SGCZ: variants seen among roughly 807,000 people sequenced by gnomAD.
SGCZ encodes the protein sarcoglycan zeta.
A neutral mutation model predicts 41.3 loss-of-function variants in SGCZ; 40 were observed. That is an observed-to-expected ratio of 0.97 (90% CI 0.75 to 1.26). SGCZ has a LOEUF of 1.26. Among genes scored for constraint, SGCZ ranks in the 50% most tolerant of loss-of-function variants. SGCZ has a pLI of 0.00. For missense variants in SGCZ, 552 were observed against 369.8 expected, an observed-to-expected ratio of 1.49 and a Z score of -4.04; for synonymous variants, 206 against 137.5, an observed-to-expected ratio of 1.50 and a Z score of -3.49.
chr8:14,953,510 C>G (rs1362832694), intron 1 of SGCZ, among the ~76,000 whole-genome samples: 12 of 152,092 alleles, frequency 7.9e-5, no homozygotes, highest in Non-Finnish European at 1.6e-4. Context: ...AGAAAACATC[C>G]AAAGATGTAG....
At chr8:14,862,127 T>C (rs1271167107) in intron 1 of SGCZ, among the ~76,000 whole-genome samples, 1 of 152,132 alleles carries the variant, frequency 6.6e-6, no homozygotes, top group Non-Finnish European at 1.5e-5. Flanking sequence ...TCCCAGTGCC[T>C]GAGCTACCAT....
At chr8:14,908,065 T>C (rs1488448162) in intron 1 of SGCZ, among the ~76,000 whole-genome samples, 1 of 152,120 alleles carries the variant, frequency 6.6e-6, no homozygotes, top group Non-Finnish European at 1.5e-5. Flanking sequence ...CCACTGAAAA[T>C]AAAAATTTCT....
Position 15,056,542 on chromosome 8 carries a change from G to GA in SGCZ, c.39+181042_39+181043insT, listed in dbSNP as rs1207125607. On this transcript the variant is annotated intron_variant, in intron 1 of 7. Coordinates refer to ENST00000382080, the MANE Select transcript of SGCZ (RefSeq NM_139167.4). Reference sequence around the variant, plus strand: ...GTCTTCTTTGCCTTAATGTAGGTGAGCAAAAAAAAAAAAACATTAGAAATG... The same window carrying GA: ...GTCTTCTTTGCCTTAATGTAGGTGAGACAAAAAAAAAAAAACATTAGAAATG... Among the ~76,000 whole-genome samples, 630 of 136,664 alleles carry GA rather than the reference G, an allele frequency of 4.6e-3. 1 individual carries two copies. The highest frequency in any genetic ancestry group is 0.017 in the African/African-American group (599 of 36,114). The allele number at this position is 136,664 out of a possible 152,430, so 89.7% of individuals were successfully genotyped here.
At chr8:14,431,218 G>A (rs1460620083) in intron 2 of SGCZ, among the ~76,000 whole-genome samples, 1 of 152,042 alleles carries the variant, frequency 6.6e-6, no homozygotes, top group Non-Finnish European at 1.5e-5. Flanking sequence ...TCAAAAAAGA[G>A]CCTACATAGC....
chr8:15,020,148 C>T (rs535485246), intron 1 of SGCZ, among the ~76,000 whole-genome samples: 1 of 152,084 alleles, frequency 6.6e-6, no homozygotes, highest in East Asian at 1.9e-4. Flanking sequence ...AACTGAAGAT[C>T]TGAGGAGAAG....
intron 1 of SGCZ, among the ~76,000 whole-genome samples, chr8:14,795,204 G>A (rs1801084444): frequency 6.6e-6 from 1 of 152,124 alleles, no homozygotes; most frequent in South Asian, 2.1e-4. Context: ...AGATATATTT[G>A]TTCCTTAGAC....
intron 2 of SGCZ, among the ~76,000 whole-genome samples, chr8:14,412,499 T>A (rs750727134): frequency 5.5e-4 from 83 of 152,164 alleles, no homozygotes; most frequent in Non-Finnish European, 1.5e-4. Flanking sequence ...TCAGCATAAA[T>A]GCTGCCAGGC....
At chr8:14,656,096 T>A (rs189552437) in intron 1 of SGCZ, among the ~76,000 whole-genome samples, 1 of 152,054 alleles carries the variant, frequency 6.6e-6, no homozygotes. Context: ...ACGTTGTTTT[T>A]ATTTCCCCAG....
Position 15,097,338 on chromosome 8 carries a change from C to G in SGCZ, c.39+140247G>C, listed in dbSNP as rs374221698. On this transcript the variant is annotated intron_variant, in intron 1 of 7. Transcript: ENST00000382080. ...TAGAGAATAGAACCAAACTCTTTAC[C>G]TGCAGTAGCTTGAGCATAAAAACAA... Among the ~76,000 whole-genome samples, 6 of 152,036 alleles carry G rather than the reference C, an allele frequency of 3.9e-5. No homozygotes were observed. The East Asian group carries it at 1.2e-3, about 29-fold the overall frequency.
chr8:14,656,271 T>C (rs9987304), intron 1 of SGCZ, among the ~76,000 whole-genome samples: 26,209 of 152,034 alleles, frequency 0.17, 2,428 homozygotes, highest in South Asian at 0.26. Flanking sequence ...TTGATTGTTT[T>C]AGCCATTCTG....
At chr8:14,452,531 T>C (rs1800624928) in intron 2 of SGCZ, among the ~76,000 whole-genome samples, 2 of 151,940 alleles carry the variant, frequency 1.3e-5, no homozygotes, top group Non-Finnish European at 2.9e-5. Flanking sequence ...AGTAAATATA[T>C]ACATCCTGGG....
intron 3 of SGCZ, among the ~76,000 whole-genome samples, chr8:14,274,284 G>A (rs28434461): frequency 0.032 from 4,872 of 152,094 alleles, 94 homozygotes; most frequent in African/African-American, 0.053. Context: ...GGAGTTCACT[G>A]GAAATTTCAA....
rs983632860 is a variant in SGCZ at position 14,276,983 on chromosome 8, C to G, written c.337-39304G>C. ...GTAACGGGGCCTTTTGGCCCCTATG[C>G]TCAGACCTGCTCCCACACTGTGGAG... On this transcript the variant is annotated intron_variant, in intron 3 of 7. Transcript: ENST00000382080. Among the ~76,000 whole-genome samples the G allele has an allele frequency of 2.5e-4, 38 of 152,176 alleles. 1 individual carries two copies. The highest frequency in any genetic ancestry group is 2.3e-3 in the Admixed American group (35 of 15,270).
intron 1 of SGCZ, among the ~76,000 whole-genome samples, chr8:15,213,099 G>C (rs1307789445): frequency 6.6e-6 from 1 of 151,952 alleles, no homozygotes; most frequent in African/African-American, 2.4e-5. Flanking sequence ...GGGAAGGTTG[G>C]AAAACAGATT....
At chr8:14,534,331 T>G (rs1017077700) in intron 2 of SGCZ, among the ~76,000 whole-genome samples, 1 of 143,462 alleles carries the variant, frequency 7.0e-6, no homozygotes, top group Non-Finnish European at 1.6e-5. Flanking sequence ...TTTCTAGAGC[T>G]CTTTCTGTCT....
intron 3 of SGCZ, among the ~76,000 whole-genome samples, chr8:14,307,014 G>T (rs73666516): frequency 3.4e-4 from 51 of 152,196 alleles, no homozygotes; most frequent in African/African-American, 1.1e-3. Flanking sequence ...AATTGAAGGA[G>T]AATATTTGCA....
At chr8:15,096,032 G>T (rs928698948) in intron 1 of SGCZ, among the ~76,000 whole-genome samples, 3 of 151,946 alleles carry the variant, frequency 2.0e-5, no homozygotes, top group Non-Finnish European at 2.9e-5. Flanking sequence ...ATCAAACTGT[G>T]CCTTATTTAA....
chr8:15,114,293 C>G (rs899225783), intron 1 of SGCZ, among the ~76,000 whole-genome samples: 2 of 152,158 alleles, frequency 1.3e-5, no homozygotes, highest in Non-Finnish European at 2.9e-5. Flanking sequence ...TTCTTACCAG[C>G]TGCATAACCT....
At chr8:14,795,397 A>G (rs994487214) in intron 1 of SGCZ, among the ~76,000 whole-genome samples, 13 of 151,914 alleles carry the variant, frequency 8.6e-5, no homozygotes, top group African/African-American at 3.1e-4. Flanking sequence ...AAATACACTT[A>G]TCACCTGAGT....
Sources: allele counts gnomAD v4.1 joint callset (sites outside exome capture counted in the v4.1 genomes callset), GRCh38; gene constraint gnomAD v4.1.1; transcripts MANE v1.5; gene names NCBI Gene and HGNC (gene_info 2026-07-23, HGNC 2026-07-21).